STXBP5L: variants seen among roughly 807,000 people sequenced by gnomAD.
STXBP5L encodes the protein syntaxin binding protein 5L, also known as syntaxin-binding protein 5-like.
STXBP5L carries 65 observed loss-of-function variants against 144.5 expected under a neutral mutation model. The ratio of observed to expected loss-of-function variants is 0.45; its 90% CI spans 0.37 to 0.55. The LOEUF (loss-of-function observed/expected upper bound fraction) is 0.55, where lower values mean the gene tolerates loss of function less well. Ranked by LOEUF, STXBP5L falls within the 20% of genes least tolerant of loss-of-function variation. The pLI is 0.00. For missense variants in STXBP5L, 1,298 were observed against 1,405.5 expected, an observed-to-expected ratio of 0.92 and a Z score of 1.22; for synonymous variants, 505 against 469.6, an observed-to-expected ratio of 1.08 and a Z score of -0.97.
chr3:121,393,162 C>G (rs1431137457), intron 22 of STXBP5L, among the ~76,000 whole-genome samples: 16 of 149,088 alleles, frequency 1.1e-4, no homozygotes, highest in Non-Finnish European at 2.2e-4. Flanking sequence ...TTTTAATTTT[C>G]ATTTCTCTCA....
Position 121,334,722 on chromosome 3 carries a change from A to G in STXBP5L, c.2176+16182A>G, listed in dbSNP as rs2044444775. Among the ~76,000 whole-genome samples the G allele has an allele frequency of 1.3e-5, 2 of 152,172 alleles. 1 individual carries two copies. The highest frequency in any genetic ancestry group is 4.1e-4 in the South Asian group (2 of 4,826). On this transcript the variant is annotated intron_variant, in intron 20 of 26. Transcript: ENST00000471454. ...AATAAATGTGATTCATCATAAACAG[A>G]ACTAAAGATAGAAACCACATGATCA...
chr3:121,187,955 G>A (rs2047469394), intron 9 of STXBP5L, among the ~76,000 whole-genome samples: 1 of 152,084 alleles, frequency 6.6e-6, no homozygotes, highest in South Asian at 2.1e-4. Flanking sequence ...TTACATAATG[G>A]TAAATGGATC....
At chr3:121,241,367 A>T (rs975394312) in intron 14 of STXBP5L, among the ~76,000 whole-genome samples, 7 of 86,844 alleles carry the variant, frequency 8.1e-5, no homozygotes, top group Admixed American at 1.2e-4. Context: ...TAACAACAAC[A>T]CACACACATA....
At chr3:121,312,323 A>G (rs1461309932) in intron 19 of STXBP5L, among the ~76,000 whole-genome samples, 3 of 151,444 alleles carry the variant, frequency 2.0e-5, no homozygotes, top group Non-Finnish European at 4.4e-5. Context: ...CAATGGCAAC[A>G]AAAGCCAGAA....
intron 3 of STXBP5L, among the ~76,000 whole-genome samples, chr3:120,974,836 A>G (rs1173461715): frequency 6.6e-6 from 1 of 152,148 alleles, no homozygotes; most frequent in African/African-American, 2.4e-5. Flanking sequence ...CAGGTTTGTC[A>G]AAGATCAGAT....
At chr3:121,149,705 A>C in intron 7 of STXBP5L, among the ~76,000 whole-genome samples, 1 of 152,004 alleles carries the variant, frequency 6.6e-6, no homozygotes, top group East Asian at 1.9e-4. Flanking sequence ...AAATAGCAAT[A>C]AGAAAGTTAA....
chr3:121,216,067 T>C (rs2048766340), intron 10 of STXBP5L, among the ~76,000 whole-genome samples: 1 of 152,240 alleles, frequency 6.6e-6, no homozygotes, highest in Non-Finnish European at 1.5e-5. Context: ...TTCTCTAAAC[T>C]GGTTATTCTA....
At chr3:121,018,049 A>C (rs1426810528) in intron 3 of STXBP5L, among the ~76,000 whole-genome samples, 2 of 152,308 alleles carry the variant, frequency 1.3e-5, no homozygotes, top group East Asian at 1.9e-4. Flanking sequence ...ACTGCACTCC[A>C]GCCTGGGTGA....
chr3:120,911,055 T>A (rs1708808574), intron 2 of STXBP5L, among the ~76,000 whole-genome samples: 3 of 152,138 alleles, frequency 2.0e-5, no homozygotes, highest in Admixed American at 2.0e-4. Flanking sequence ...TAATCTTTGA[T>A]GTGTTTGCAA....
At chr3:121,157,398 G>C (rs1371091655) in intron 8 of STXBP5L, 106 bp from the exon 9 acceptor site, 1 of 1,188,972 alleles carries the variant, frequency 8.4e-7, no homozygotes. Flanking sequence ...TTTAAGTGTT[G>C]TTAGTATAAT....
intron 10 of STXBP5L, among the ~76,000 whole-genome samples, 173 bp downstream of exon 10, chr3:121,206,174 GATT>G (rs1391562021): frequency 6.6e-6 from 1 of 152,046 alleles, no homozygotes; most frequent in Non-Finnish European, 1.5e-5. Context: ...TTATTATTAT[GATT>G]ATTATAAATT....
At chr3:121,158,154 A>G (rs2046187077) in intron 9 of STXBP5L, 1 of 152,366 alleles carries the variant, frequency 6.6e-6, no homozygotes, top group Non-Finnish European at 1.5e-5. Flanking sequence ...CTAAATGAGG[A>G]TTTTAATCTT....
rs540526615 is a variant in STXBP5L at position 121,082,679 on chromosome 3, G to T, written c.471-32246G>T. Among the ~76,000 whole-genome samples the T allele has an allele frequency of 3.0e-4, 45 of 152,252 alleles. No homozygotes were observed. In the South Asian group the frequency reaches 6.6e-3, roughly 22 times the overall value. ...GCAGGAGGGACATGACAGTGTGTGT[G>T]TATATATACATTTGTAATCCTGTTT... On this transcript the variant is annotated intron_variant, in intron 5 of 26. Coordinates refer to ENST00000471454, the MANE Select transcript of STXBP5L (RefSeq NM_001308330.2).
At chr3:121,102,182 G>A (rs894969882) in intron 5 of STXBP5L, among the ~76,000 whole-genome samples, 3 of 151,202 alleles carry the variant, frequency 2.0e-5, no homozygotes, top group Admixed American at 6.6e-5. Context: ...AACTACCAGA[G>A]TCATTCTTTA....
chr3:121,378,979 A>G, intron 21 of STXBP5L, 93 bp downstream of exon 21: 2 of 1,309,904 alleles, frequency 1.5e-6, no homozygotes, highest in South Asian at 3.0e-5. Flanking sequence ...TCACATATGA[A>G]AGATGTTAAA....
intron 3 of STXBP5L, among the ~76,000 whole-genome samples, chr3:120,962,939 C>T (rs1939047145): frequency 6.6e-6 from 1 of 152,170 alleles, no homozygotes; most frequent in Admixed American, 6.5e-5. Flanking sequence ...TTTGTGTCCT[C>T]TTTTATTTCA....
At chr3:121,050,393 G>A (rs1947875610) in intron 5 of STXBP5L, among the ~76,000 whole-genome samples, 1 of 152,054 alleles carries the variant, frequency 6.6e-6, no homozygotes, top group African/African-American at 2.4e-5. Context: ...TTTAAGATCA[G>A]TAAAGAGTTG....
chr3:121,183,730 T>A (rs1468443324), intron 9 of STXBP5L, among the ~76,000 whole-genome samples: 3 of 151,910 alleles, frequency 2.0e-5, no homozygotes, highest in Non-Finnish European at 4.4e-5. Flanking sequence ...AGAGAAAGTC[T>A]CCTCAAGTAG....
chr3:120,926,271 G>A (rs781223763), intron 2 of STXBP5L, among the ~76,000 whole-genome samples: 5 of 151,470 alleles, frequency 3.3e-5, no homozygotes, highest in Non-Finnish European at 5.9e-5. Flanking sequence ...AATTCTCTGA[G>A]CTTTTGTTTC....
Sources: allele counts gnomAD v4.1 joint callset (sites outside exome capture counted in the v4.1 genomes callset), GRCh38; gene constraint gnomAD v4.1.1; transcripts MANE v1.5; gene names NCBI Gene and HGNC (gene_info 2026-07-23, HGNC 2026-07-21).